Variants in MAP3K7CL observed in about 807,000 individuals in gnomAD.
MAP3K7CL encodes the protein MAP3K7 C-terminal like, also known as MAP3K7 C-terminal-like protein.
Under a neutral mutation model 18.6 loss-of-function variants are expected in MAP3K7CL, and 16 were observed. The ratio of observed to expected loss-of-function variants is 0.86; its 90% CI spans 0.58 to 1.31. The LOEUF is 1.31. Among genes scored for constraint, MAP3K7CL ranks in the 50% most tolerant of loss-of-function variants. The pLI, the probability that MAP3K7CL is intolerant of heterozygous loss-of-function variation, is 0.00. For synonymous variants in MAP3K7CL, 65 were observed against 66.8 expected (o/e 0.97, Z 0.13); for missense variants, 163 against 174.4 (o/e 0.93, Z 0.37).
intron 4 of MAP3K7CL, chr21:29,122,047 T>G (rs1223281885): frequency 1.3e-5 from 2 of 152,192 alleles, no homozygotes; most frequent in Non-Finnish European, 2.9e-5. Context: ...CCCATGTTCA[T>G]GTTTGTGCAC....
chr21:29,106,758 C>T (rs2086329711), intron 4 of MAP3K7CL, among the ~76,000 whole-genome samples: 2 of 152,170 alleles, frequency 1.3e-5, no homozygotes, highest in South Asian at 2.1e-4. Context: ...CTAGTTTCTG[C>T]CTTGTTATGG....
At chr21:29,156,848 G>T (rs1410275697) in intron 3 of MAP3K7CL, among the ~76,000 whole-genome samples, 1 of 152,192 alleles carries the variant, frequency 6.6e-6, no homozygotes, top group African/African-American at 2.4e-5. Flanking sequence ...AATGGCCAAT[G>T]ATGTCAACTG....
chr21:29,092,111 G>A, intron 3 of MAP3K7CL: 2 of 368,974 alleles, frequency 5.4e-6, no homozygotes, highest in South Asian at 5.3e-5. Context: ...TTAAGATGTT[G>A]GTAAAGGGTA....
intron 4 of MAP3K7CL, among the ~76,000 whole-genome samples, chr21:29,100,858 G>A (rs1322414395): frequency 3.3e-5 from 5 of 151,616 alleles, no homozygotes; most frequent in South Asian, 4.2e-4. Flanking sequence ...GACTACAGGT[G>A]CCCGCCACCA....
chr21:29,147,827 GTATCTGTACTGTATA>G (rs2087172645), intron 2 of MAP3K7CL, among the ~76,000 whole-genome samples: 1 of 150,390 alleles, frequency 6.6e-6, no homozygotes, highest in Non-Finnish European at 1.5e-5. Flanking sequence ...AAACCTAACT[GTATCTGTACTGTATA>G]TATCTGTACT....
chr21:29,094,598 G>A (rs761483059), intron 4 of MAP3K7CL, among the ~76,000 whole-genome samples: 1 of 152,120 alleles, frequency 6.6e-6, no homozygotes, highest in Admixed American at 6.5e-5. Context: ...TGCAAAATTT[G>A]TATCAACTAG....
chr21:29,169,450 C>A (rs749569664), intron 4 of MAP3K7CL, among the ~76,000 whole-genome samples: 2 of 152,146 alleles, frequency 1.3e-5, no homozygotes, highest in East Asian at 1.9e-4. Flanking sequence ...TTCTGTCCTG[C>A]GTATGAATGC....
chr21:29,093,789 C>T (rs2086073616), intron 4 of MAP3K7CL, among the ~76,000 whole-genome samples: 1 of 152,136 alleles, frequency 6.6e-6, no homozygotes. Context: ...CCGCGCCCGG[C>T]CGAGAAGGAC....
chr21:29,134,181 C>T (rs897813078), intron 2 of MAP3K7CL, among the ~76,000 whole-genome samples: 4 of 152,094 alleles, frequency 2.6e-5, no homozygotes, highest in Admixed American at 6.5e-5. Flanking sequence ...AGGACTCTCT[C>T]TCTCTCTCTT....
intron 4 of MAP3K7CL, among the ~76,000 whole-genome samples, chr21:29,118,109 G>T (rs376488043): frequency 7.3e-6 from 1 of 136,838 alleles, no homozygotes; most frequent in East Asian, 2.2e-4. Context: ...TTTTTGAGAC[G>T]GACTCTTGCA....
intron 4 of MAP3K7CL, among the ~76,000 whole-genome samples, chr21:29,164,948 T>C (rs753922295): frequency 6.6e-6 from 1 of 152,226 alleles, no homozygotes; most frequent in Non-Finnish European, 1.5e-5. Flanking sequence ...ATTTTTTCCG[T>C]AAATATTATA....
At chr21:29,081,324 T>C (rs9977696), upstream of MAP3K7CL, among the ~76,000 whole-genome samples, 130,677 of 152,186 alleles carry the variant, frequency 0.86, 56,424 homozygotes, top group African/African-American at 0.94. Context: ...CCAAGGCAGG[T>C]GGATCACAAG....
chr21:29,142,845 AGTT>A (rs1287214209), intron 2 of MAP3K7CL, among the ~76,000 whole-genome samples: 8 of 152,228 alleles, frequency 5.3e-5, no homozygotes, highest in Admixed American at 1.3e-4. Context: ...AGATTATGCC[AGTT>A]GTTCACATTC....
chr21:29,091,618 G>A (rs565664997), intron 2 of MAP3K7CL: 71 of 701,204 alleles, frequency 1.0e-4, no homozygotes, highest in South Asian at 1.0e-3. Flanking sequence ...TGGGACCACA[G>A]GCGTGCACCA....
upstream of MAP3K7CL, among the ~76,000 whole-genome samples, chr21:29,083,891 C>T (rs1255183310): frequency 6.1e-5 from 9 of 148,674 alleles, no homozygotes; most frequent in Non-Finnish European, 1.2e-4. Flanking sequence ...AATATTACCT[C>T]TCTTGTTTAT....
intron 2 of MAP3K7CL, among the ~76,000 whole-genome samples, chr21:29,148,191 G>A (rs915166568): frequency 6.6e-6 from 1 of 151,804 alleles, no homozygotes; most frequent in Admixed American, 6.6e-5. Flanking sequence ...TATGTGTACT[G>A]TATATATACC....
intron 4 of MAP3K7CL, among the ~76,000 whole-genome samples, chr21:29,117,805 G>C (rs548462662): frequency 6.6e-6 from 1 of 152,088 alleles, no homozygotes; most frequent in Non-Finnish European, 1.5e-5. Context: ...GATTTTATTC[G>C]GGTACCAAAT....
upstream of MAP3K7CL, among the ~76,000 whole-genome samples, chr21:29,083,638 C>T (rs1159087742): frequency 6.6e-6 from 1 of 152,090 alleles, no homozygotes; most frequent in African/African-American, 2.4e-5. Context: ...AACTTAGAGC[C>T]AAATGTGTAG....
chr21:29,156,337 C>T (rs1392553030), intron 3 of MAP3K7CL, among the ~76,000 whole-genome samples: 1 of 152,152 alleles, frequency 6.6e-6, no homozygotes, highest in Non-Finnish European at 1.5e-5. Flanking sequence ...CATCTAGTTA[C>T]CCACAGGTAT....
Sources: allele counts gnomAD v4.1 joint callset (sites outside exome capture counted in the v4.1 genomes callset), GRCh38; gene constraint gnomAD v4.1.1; transcripts MANE v1.5; gene names NCBI Gene and HGNC (gene_info 2026-07-23, HGNC 2026-07-21).